The following FZD5 variants were observed in gnomAD, a reference collection of about 807,000 sequenced individuals.
FZD5 encodes the protein frizzled class receptor 5.
Under a neutral mutation model 40.8 loss-of-function variants are expected in FZD5, and 12 were observed. That is an observed-to-expected ratio of 0.29 (90% CI 0.19 to 0.48). The LOEUF is 0.48. Ranked by LOEUF, FZD5 falls within the 20% of genes least tolerant of loss-of-function variation. FZD5 has a pLI of 0.99. For synonymous variants in FZD5, 380 were observed against 383.7 expected (o/e 0.99, Z 0.11); for missense variants, 622 against 832.8 (o/e 0.75, Z 3.12).
chr2:207,767,506 G>C lies in FZD5; in HGVS notation c.1234C>G (p.Leu412Val). 2 of 1,609,970 alleles carry C rather than the reference G, an allele frequency of 1.2e-6. No individual in the cohort carries two copies. Among genetic ancestry groups the C allele is most frequent in the South Asian group, 2.2e-5 (2 of 91,078 alleles). ...AGCAGGAAGAGCGTGCCCACCAGCA[G>C]GTAGAGCACCAGCGGGCCCAGCACG... ...GFVLGPLVLY[L>V]LVGTLFLLAG... Residue 412 changes from leucine (L) to valine (V), a missense_variant, in exon 2 of 2, where the codon CTG (leucine) becomes GTG (valine). By Grantham distance (32) the Leu-to-Val change is conservative. Around this residue, in one of 4 missense-constraint regions of FZD5, gnomAD observed 208 missense variants for 348.9 expected, o/e 0.60. Transcript: ENST00000295417.
rs111543089 is a variant in FZD5, at chr2:207,767,117, C to T, written c.1623G>A (p.Pro541=). Reference sequence around the variant, plus strand: ...CGCCCCCGCTCTTGTGGCCGCGCCGCGGGCGGCAGCAGCAGCGGCTGGTGA... The same window carrying T: ...CGCCCCCGCTCTTGTGGCCGCGCCGTGGGCGGCAGCAGCAGCGGCTGGTGA... The part of the protein sequence containing the change: ...RRFTSRCCCR[P]RRGHKSGGAM... The change falls in exon 2 of 2, where the codon CCG becomes CCA. Residue 541 remains proline (P), a synonymous_variant. Coordinates refer to ENST00000295417, the MANE Select transcript of FZD5 (RefSeq NM_003468.4). The T allele has an allele frequency of 1.3e-6, 2 of 1,564,062 alleles. No homozygotes were observed. Among genetic ancestry groups the T allele is most frequent in the East Asian group, 2.4e-5 (1 of 41,854 alleles).
chr2:207,763,026 C>T lies in FZD5; in HGVS notation c.*3956G>A, dbSNP rs968452019. Reference sequence around the variant, plus strand: ...TCTGGATTTAACATAACAGTGACTACAGCATGGGATAGGCACTATACATAT... The same window carrying T: ...TCTGGATTTAACATAACAGTGACTATAGCATGGGATAGGCACTATACATAT... On this transcript the variant is annotated 3_prime_UTR_variant, in exon 2 of 2. Coordinates refer to ENST00000295417, the MANE Select transcript of FZD5 (RefSeq NM_003468.4). The T allele has an allele frequency of 4.6e-5, 7 of 152,586 alleles. No individual in the cohort carries two copies. Among genetic ancestry groups the T allele is most frequent in the Non-Finnish European group, 1.0e-4 (7 of 68,032 alleles). The allele number at this position is 152,586 out of a possible 1,614,324, so 9.5% of individuals were successfully genotyped here.
rs540336669 is a variant in FZD5, at chr2:207,764,417, C to T, written c.*2565G>A. On this transcript the variant is annotated 3_prime_UTR_variant, in exon 2 of 2. Transcript: ENST00000295417. ...GTTTCTCTCCCCTGGGGTGGCTGAT[C>T]TCAGTAAGACTTAGGGATGCAGGTG... 6.6e-6 allele frequency: 1 copy of T among 152,294 alleles called. No individual in the cohort carries two copies. Among genetic ancestry groups the T allele is most frequent in the East Asian group, 1.9e-4 (1 of 5,188 alleles). The allele number at this position is 152,294 out of a possible 1,614,324, so 9.4% of individuals were successfully genotyped here.
At position 207,763,088 on chromosome 2, in the gene FZD5, C is replaced by T. The variant is rs1239640360; in HGVS notation, c.*3894G>A. On this transcript the variant is annotated 3_prime_UTR_variant, in exon 2 of 2. Coordinates refer to ENST00000295417, the MANE Select transcript of FZD5 (RefSeq NM_003468.4). ...AAACAGTATCGAATGCCCTGGACTTCAACTACTGACTCGGTATGTGCCTCA... is the reference window on the plus strand; with the variant it reads ...AAACAGTATCGAATGCCCTGGACTTTAACTACTGACTCGGTATGTGCCTCA... 6.6e-6 allele frequency: 1 copy of T among 152,468 alleles called. No individual in the cohort carries two copies. Among genetic ancestry groups the T allele is most frequent in the Non-Finnish European group, 1.5e-5 (1 of 68,024 alleles). 9.4% of individuals were successfully genotyped at this position (152,468 alleles called of 1,614,324 possible). A position where few individuals can be genotyped will look rare whatever the true frequency, so the allele number is the denominator to read the frequency against.
Position 207,767,118 on chromosome 2 carries a change from G to GGGC in FZD5, c.1619_1621dup (p.Arg540dup), listed in dbSNP as rs2091983400. On this transcript the variant is annotated inframe_insertion, in exon 2 of 2. Coordinates refer to ENST00000295417, the MANE Select transcript of FZD5 (RefSeq NM_003468.4). ...GCCCCCGCTCTTGTGGCCGCGCCGC[G>GGGC]GGCGGCAGCAGCAGCGGCTGGTGAA... 2 of 1,564,846 alleles carry GGGC rather than the reference G, an allele frequency of 1.3e-6. No individual in the cohort carries two copies. The highest frequency in any genetic ancestry group is 1.7e-6 in the Non-Finnish European group (2 of 1,155,598).
rs1207827212 is a variant in FZD5, at chr2:207,768,398, G to T, written c.342C>A (p.Ala114=). ...PCRSVCERAK[A]GCSPLMRQYG... is the part of the protein sequence containing the mutation. ...ACTGGCGCATCAGCGGCGAGCAGCCGGCCTTGGCGCGCTCGCACACCGAGC... is the reference window on the plus strand; with the variant it reads ...ACTGGCGCATCAGCGGCGAGCAGCCTGCCTTGGCGCGCTCGCACACCGAGC... Residue 114 remains alanine (A), a synonymous_variant, in exon 2 of 2, where the codon GCC becomes GCA. Coordinates refer to ENST00000295417, the MANE Select transcript of FZD5 (RefSeq NM_003468.4). The T allele has an allele frequency of 1.9e-5, 30 of 1,604,834 alleles. No individual in the cohort carries two copies. Among genetic ancestry groups the T allele is most frequent in the Non-Finnish European group, 2.5e-5 (30 of 1,178,712 alleles).
chr2:207,766,843 C>T lies in FZD5; in HGVS notation c.*139G>A, dbSNP rs1312777985. The T allele has an allele frequency of 1.6e-6, 1 of 619,424 alleles. No homozygotes were observed. 38.4% of individuals were successfully genotyped at this position (619,424 alleles called of 1,614,324 possible). A position where few individuals can be genotyped will look rare whatever the true frequency, so the allele number is the denominator to read the frequency against. On this transcript the variant is annotated 3_prime_UTR_variant, in exon 2 of 2. Coordinates refer to ENST00000295417, the MANE Select transcript of FZD5 (RefSeq NM_003468.4). ...TGGGACAGGTTCTTCCTCGAAAACG[C>T]CCCTCTTCCCTCTCTCCAAGTCGCC...
Position 207,763,664 on chromosome 2 carries a change from T to TA in FZD5, c.*3317dup, listed in dbSNP as rs1360132922. The TA allele has an allele frequency of 1.3e-5, 2 of 152,784 alleles. No individual in the cohort carries two copies. Among genetic ancestry groups the TA allele is most frequent in the Non-Finnish European group, 2.9e-5 (2 of 68,074 alleles). 9.5% of individuals were successfully genotyped at this position (152,784 alleles called of 1,614,324 possible). A position where few individuals can be genotyped will look rare whatever the true frequency, so the allele number is the denominator to read the frequency against. On this transcript the variant is annotated 3_prime_UTR_variant, in exon 2 of 2. Coordinates refer to ENST00000295417, the MANE Select transcript of FZD5 (RefSeq NM_003468.4). ...GTGAAAGAAGCTTCTTTGGCTGGGG[T>TA]AGCAGTTCATTAAAATATACAACTA...
At position 207,768,841 on chromosome 2, in the gene FZD5, G is replaced by C. The variant is rs1386096040; in HGVS notation, c.-102C>G. ...CCTCCGGCGTCTCGTGTGTGGCGCC[G>C]GGGCTGGCAACCTGTTGGTTGCTTT... is the stretch of plus-strand genomic sequence containing the variant. On this transcript the variant is annotated 5_prime_UTR_variant, in exon 2 of 2. Coordinates refer to ENST00000295417, the MANE Select transcript of FZD5 (RefSeq NM_003468.4). 1.0e-6 allele frequency: 1 copy of C among 961,768 alleles called. No homozygotes were observed. The highest frequency in any genetic ancestry group is 1.7e-5 in the African/African-American group (1 of 59,106). 59.6% of individuals were successfully genotyped at this position (961,768 alleles called of 1,614,324 possible). A position where few individuals can be genotyped will look rare whatever the true frequency, so the allele number is the denominator to read the frequency against.
At position 207,767,846 on chromosome 2, in the gene FZD5, G is replaced by A; in HGVS notation, c.894C>T (p.Cys298=). Residue 298 remains cysteine, a synonymous_variant, in exon 2 of 2, where the codon TGC becomes TGT. Transcript: ENST00000295417. ...RLVVGHASVA[C]SREHNHIHYE... Reference sequence around the variant, plus strand: ...AGTGGATGTGGTTGTGCTCGCGGCTGCAGGCCACGCTGGCATGGCCCACGA... The same window carrying A: ...AGTGGATGTGGTTGTGCTCGCGGCTACAGGCCACGCTGGCATGGCCCACGA... 6.2e-7 allele frequency: 1 copy of A among 1,600,734 alleles called. No individual in the cohort carries two copies. Among genetic ancestry groups the A allele is most frequent in the South Asian group, 1.1e-5 (1 of 89,330 alleles).
rs141749213 is a variant in FZD5 at position 207,767,372 on chromosome 2, G to A, written c.1368C>T (p.Leu456=). The part of the protein sequence containing the change: ...LMIRIGIFTL[L]YTVPASIVVA... ...CCACAATGCTGGCGGGGACCGTGTA[G>A]AGCAGCGTGAAGATGCCGATGCGGA... The change falls in exon 2 of 2, where the codon CTC becomes CTT. Residue 456 remains leucine, a synonymous_variant. Coordinates refer to ENST00000295417, the MANE Select transcript of FZD5 (RefSeq NM_003468.4). 1,233 of 1,612,660 alleles carry A rather than the reference G, an allele frequency of 7.6e-4. 7 individuals are homozygous for A. The Middle Eastern group carries it at 8.4e-3, about 11-fold the overall frequency.
At position 207,768,058 on chromosome 2, in the gene FZD5, T is replaced by C. The variant is rs756454063; in HGVS notation, c.682A>G (p.Ser228Gly). The change falls in exon 2 of 2, where the codon AGT becomes GGT. Residue 228 changes from serine (S) to glycine (G), a missense_variant. Ser to Gly is a moderately conservative substitution (Grantham distance 56). Transcript: ENST00000295417. ...CAVPCYQPSF[S>G]ADERTFATFW... ...GTGGCGAACGTGCGCTCGTCGGCAC[T>C]GAAGGACGGCTGGTAGCAGGGTACC... is the stretch of plus-strand genomic sequence containing the variant. The C allele has an allele frequency of 2.5e-6, 4 of 1,613,070 alleles. No homozygotes were observed. The South Asian group carries it at 3.3e-5, about 13-fold the overall frequency.
At position 207,767,227 on chromosome 2, in the gene FZD5, G is replaced by C. The variant is rs376723918; in HGVS notation, c.1513C>G (p.Leu505Val). 5.0e-5 allele frequency: 81 copies of C among 1,609,926 alleles called. No homozygotes were observed. Among genetic ancestry groups the C allele is most frequent in the Non-Finnish European group, 5.5e-5 (65 of 1,178,526 alleles). The change falls in exon 2 of 2, where the codon CTC becomes GTC. Residue 505 changes from leucine (L) to valine (V), a missense_variant. Physicochemically the swap from Leu to Val is conservative, Grantham distance 32. Transcript: ENST00000295417. Reference protein sequence around the residue: ...RAKPEYWVLMLKYFMCLVVGI... With the variant: ...RAKPEYWVLMVKYFMCLVVGI... ...ACCACCAGGCACATGAAGTACTTGA[G>C]CATGAGCACCCAGTACTCGGGCTTG...
chr2:207,768,831 G>A lies in FZD5; in HGVS notation c.-92C>T. The stretch of plus-strand genomic sequence containing the variant: ...GGGGCTTCTCCCTCCGGCGTCTCGT[G>A]TGTGGCGCCGGGGCTGGCAACCTGT... On this transcript the variant is annotated 5_prime_UTR_variant, in exon 2 of 2. Transcript: ENST00000295417. The A allele has an allele frequency of 9.4e-7, 1 of 1,062,706 alleles. No individual in the cohort carries two copies. The highest frequency in any genetic ancestry group is 1.3e-6 in the Non-Finnish European group (1 of 749,542). The allele number at this position is 1,062,706 out of a possible 1,614,324, so 65.8% of individuals were successfully genotyped here. A position where few individuals can be genotyped will look rare whatever the true frequency, so the allele number is the denominator to read the frequency against.
At position 207,768,227 on chromosome 2, in the gene FZD5, G is replaced by A; in HGVS notation, c.513C>T (p.Gly171=). ...RPFPAKPTLP[G]PPGAPASGGE... The stretch of plus-strand genomic sequence containing the variant: ...CCCCCGAGGCCGGCGCCCCTGGCGG[G>A]CCTGGAAGGGTGGGCTTGGCTGGGA... The change falls in exon 2 of 2, where the codon GGC becomes GGT. Residue 171 remains glycine (G), a synonymous_variant. Transcript: ENST00000295417. 3.2e-6 allele frequency: 5 copies of A among 1,564,630 alleles called. No individual in the cohort carries two copies. The highest frequency in any genetic ancestry group is 4.3e-6 in the Non-Finnish European group (5 of 1,160,950).
In FZD5 at chr2:207,768,934, C is replaced by T; in HGVS notation, c.-195G>A. 1 of 597,500 alleles carries T rather than the reference C, an allele frequency of 1.7e-6. No homozygotes were observed. The highest frequency in any genetic ancestry group is 2.1e-5 in the South Asian group (1 of 48,188). The allele number at this position is 597,500 out of a possible 1,614,324, so 37.0% of individuals were successfully genotyped here. The stretch of plus-strand genomic sequence containing the variant: ...GGCGCTGCCTCCGCTGGCAGCGCTC[C>T]GCTCCTCGCCGGATAGGGCTGGGGA... On this transcript the variant is annotated 5_prime_UTR_variant, in exon 2 of 2. Transcript: ENST00000295417.
Position 207,763,158 on chromosome 2 carries a change from G to A in FZD5, c.*3824C>T, listed in dbSNP as rs1380749555. The A allele has an allele frequency of 2.6e-5, 4 of 152,050 alleles. No homozygotes were observed. Among genetic ancestry groups the A allele is most frequent in the Admixed American group, 6.6e-5 (1 of 15,222 alleles). 9.4% of individuals were successfully genotyped at this position (152,050 alleles called of 1,614,324 possible). A position where few individuals can be genotyped will look rare whatever the true frequency, so the allele number is the denominator to read the frequency against. ...CACCTGCACCAAACCCGTATCAAAA[G>A]TCACCAAATCTCTCATATATATATA... On this transcript the variant is annotated 3_prime_UTR_variant, in exon 2 of 2. Coordinates refer to ENST00000295417, the MANE Select transcript of FZD5 (RefSeq NM_003468.4).
At position 207,767,645 on chromosome 2, in the gene FZD5, C is replaced by G; in HGVS notation, c.1095G>C (p.Trp365Cys). Residue 365 changes from tryptophan to cysteine, a missense_variant, in exon 2 of 2, where the codon TGG (tryptophan) becomes TGC (cysteine). By Grantham distance (215) the Trp-to-Cys change is radical. Around this residue, in one of 4 missense-constraint regions of FZD5, gnomAD observed 208 missense variants for 348.9 expected, o/e 0.60. Coordinates refer to ENST00000295417, the MANE Select transcript of FZD5 (RefSeq NM_003468.4). Reference protein sequence around the residue: ...GYAQYFHLAAWLIPSVKSITA... With the variant: ...GYAQYFHLAACLIPSVKSITA... ...TGATGGACTTGACGCTGGGGATGAG[C>G]CACGCAGCCAGGTGGAAGTACTGCG... 6.2e-7 allele frequency: 1 copy of G among 1,612,976 alleles called. No individual in the cohort carries two copies. The highest frequency in any genetic ancestry group is 8.5e-7 in the Non-Finnish European group (1 of 1,179,584).
chr2:207,767,539 G>A lies in FZD5; in HGVS notation c.1201C>T (p.Arg401Cys), dbSNP rs2091986523. 6.2e-7 allele frequency: 1 copy of A among 1,610,198 alleles called. No individual in the cohort carries two copies. The highest frequency in any genetic ancestry group is 8.5e-7 in the Non-Finnish European group (1 of 1,179,874). ...ACCAGCGGGCCCAGCACGAAGCCGC[G>A]CAGCGAGTTCAGGTTCTGGTTGCCC... is the stretch of plus-strand genomic sequence containing the variant. ...YVGNQNLNSL[R>C]GFVLGPLVLY... Residue 401 changes from arginine (R) to cysteine (C), a missense_variant, in exon 2 of 2, where the codon CGC (arginine) becomes TGC (cysteine). Transcript: ENST00000295417.
Sources: allele counts gnomAD v4.1 joint callset, GRCh38; gene constraint gnomAD v4.1.1; regional missense constraint gnomAD v4.1.1; transcripts MANE v1.5; gene names NCBI Gene and HGNC (gene_info 2026-07-23, HGNC 2026-07-21).